CDC14B: variants seen among roughly 807,000 people sequenced by gnomAD.
CDC14B encodes dual specificity protein phosphatase CDC14B.
CDC14B carries 22 observed loss-of-function variants against 64.2 expected under a neutral mutation model. The observed-to-expected ratio is 0.34, with a 90% CI of 0.24 to 0.49. CDC14B has a LOEUF of 0.49. CDC14B is among the 20% of genes least tolerant of loss of function. The probability of loss-of-function intolerance (pLI) is 0.99; values close to 1 mark genes in which losing one functional copy is unlikely to be tolerated. For synonymous variants in CDC14B, 191 were observed against 215.8 expected, an observed-to-expected ratio of 0.89 and a Z score of 1.01; for missense variants, 498 against 629.9, an observed-to-expected ratio of 0.79 and a Z score of 2.24.
intron 13 of CDC14B, among the ~76,000 whole-genome samples, chr9:96,509,366 T>C (rs749126771): frequency 3.3e-5 from 5 of 152,226 alleles, no homozygotes; most frequent in African/African-American, 1.2e-4. Context: ...GATATACACC[T>C]AGAAAAATGT....
At chr9:96,594,463 T>C (rs1157067695) in intron 1 of CDC14B, among the ~76,000 whole-genome samples, 1 of 152,050 alleles carries the variant, frequency 6.6e-6, no homozygotes, top group African/African-American at 2.4e-5. Flanking sequence ...ACACCTGTAA[T>C]CTCAGCACTT....
chr9:96,526,344 G>A (rs1837560283), intron 9 of CDC14B, among the ~76,000 whole-genome samples: 1 of 152,156 alleles, frequency 6.6e-6, no homozygotes, highest in Admixed American at 6.5e-5. Flanking sequence ...CTCCAGCCTG[G>A]GAGACAGAGC....
In CDC14B at chr9:96,604,555, T is replaced by C. The variant is rs1230437264; in HGVS notation, c.160+14664A>G. ...GCCACCACGCCCGGCTAATTTTGTATTTTTAGTAGAGACAGGGTTTCTCCA... is the reference window on the plus strand; with the variant it reads ...GCCACCACGCCCGGCTAATTTTGTACTTTTAGTAGAGACAGGGTTTCTCCA... On this transcript the variant is annotated intron_variant, in intron 1 of 13. Coordinates refer to ENST00000375241, the MANE Select transcript of CDC14B (RefSeq NM_033331.4). 9.6e-5 allele frequency among the ~76,000 whole-genome samples: 14 copies of C among 146,508 alleles called. No individual in the cohort carries two copies. The East Asian group carries it at 2.9e-3, about 30-fold the overall frequency.
intron 1 of CDC14B, among the ~76,000 whole-genome samples, chr9:96,577,939 A>C (rs2118232382): frequency 6.6e-6 from 1 of 152,354 alleles, no homozygotes; most frequent in South Asian, 2.1e-4. Context: ...CTGAGGCTAC[A>C]GCCACACACA....
intron 13 of CDC14B, among the ~76,000 whole-genome samples, chr9:96,506,899 G>A (rs1458751859): frequency 1.3e-5 from 2 of 152,216 alleles, no homozygotes; most frequent in Non-Finnish European, 2.9e-5. Context: ...CCTGGCAAGT[G>A]CCAGCCAGGC....
chr9:96,501,381 G>A lies in CDC14B; in HGVS notation c.*2372C>T, dbSNP rs572837872. Reference sequence around the variant, plus strand: ...ACAGTTTCATGTTCCATAGCAACAAGGTCTTCTATAACAACGACTCTAAGT... The same window carrying A: ...ACAGTTTCATGTTCCATAGCAACAAAGTCTTCTATAACAACGACTCTAAGT... On this transcript the variant is annotated 3_prime_UTR_variant, in exon 14 of 14. Coordinates refer to ENST00000375241, the MANE Select transcript of CDC14B (RefSeq NM_033331.4). 6.8e-5 allele frequency: 10 copies of A among 146,712 alleles called. No homozygotes were observed. Among genetic ancestry groups the A allele is most frequent in the Admixed American group, 6.0e-4 (9 of 14,900 alleles). The allele number at this position is 146,712 out of a possible 1,614,324, so 9.1% of individuals were successfully genotyped here. A position where few individuals can be genotyped will look rare whatever the true frequency, so the allele number is the denominator to read the frequency against.
At chr9:96,571,949 G>A (rs1489575662) in intron 1 of CDC14B, among the ~76,000 whole-genome samples, 4 of 151,896 alleles carry the variant, frequency 2.6e-5, no homozygotes, top group Non-Finnish European at 5.9e-5. Context: ...TACCCTTTTT[G>A]TCCAATCATA....
At chr9:96,572,240 A>G (rs551701171) in intron 1 of CDC14B, among the ~76,000 whole-genome samples, 6 of 152,274 alleles carry the variant, frequency 3.9e-5, no homozygotes, top group African/African-American at 1.2e-4. Context: ...CTAGTAAGTG[A>G]GTTTCCCCGA....
intron 1 of CDC14B, among the ~76,000 whole-genome samples, chr9:96,617,066 A>G (rs960008173): frequency 6.6e-6 from 1 of 151,736 alleles, no homozygotes; most frequent in Non-Finnish European, 1.5e-5. Flanking sequence ...CCCTTACATT[A>G]AAGCTGGACC....
At chr9:96,538,894 T>C in intron 7 of CDC14B, 184 bp downstream of exon 7, 1 of 548,870 alleles carries the variant, frequency 1.8e-6, no homozygotes. Flanking sequence ...GCCAAAAGAC[T>C]AAATTATGTG....
At chr9:96,525,595 A>G (rs540716711) in intron 9 of CDC14B, among the ~76,000 whole-genome samples, 1 of 152,348 alleles carries the variant, frequency 6.6e-6, no homozygotes, top group South Asian at 2.1e-4. Flanking sequence ...GCGTGGAGCC[A>G]AAGAGGATGA....
intron 1 of CDC14B, among the ~76,000 whole-genome samples, chr9:96,601,125 CAAG>C (rs1470212092): frequency 2.6e-5 from 4 of 151,964 alleles, no homozygotes; most frequent in African/African-American, 7.3e-5. Flanking sequence ...TGCGACATAG[CAAG>C]ACTCCCTCTC....
chr9:96,516,636 C>T (rs892544343), intron 12 of CDC14B, among the ~76,000 whole-genome samples: 7 of 152,008 alleles, frequency 4.6e-5, no homozygotes, highest in Non-Finnish European at 7.4e-5. Context: ...CACATCACCA[C>T]GCCCGGCTAA....
intron 12 of CDC14B, among the ~76,000 whole-genome samples, chr9:96,520,895 G>A (rs1363635581): frequency 6.6e-6 from 1 of 150,620 alleles, no homozygotes; most frequent in South Asian, 2.1e-4. Context: ...CACTGCTCGA[G>A]GGTGCTGCCT....
chr9:96,580,379 G>A (rs1221144211), intron 1 of CDC14B, among the ~76,000 whole-genome samples: 2 of 152,004 alleles, frequency 1.3e-5, no homozygotes, highest in African/African-American at 4.8e-5. Flanking sequence ...TTACAAGCAT[G>A]CACCACCACG....
At chr9:96,578,345 C>T (rs1478304198) in intron 1 of CDC14B, among the ~76,000 whole-genome samples, 9 of 152,190 alleles carry the variant, frequency 5.9e-5, no homozygotes, top group Non-Finnish European at 1.5e-5. Context: ...CCTTAGTCCC[C>T]TTTGAGTGTG....
intron 12 of CDC14B, among the ~76,000 whole-genome samples, chr9:96,519,516 A>C (rs1564225037): frequency 6.6e-6 from 1 of 151,966 alleles, no homozygotes; most frequent in Non-Finnish European, 1.5e-5. Flanking sequence ...TGGGTGTACC[A>C]CTTGAGGTCA....
chr9:96,602,492 G>A (rs572447611), intron 1 of CDC14B, among the ~76,000 whole-genome samples: 80 of 152,282 alleles, frequency 5.3e-4, no homozygotes, highest in African/African-American at 1.9e-3. Context: ...AGAGTTCCAC[G>A]TGGCTGGGAA....
rs1054495212 is a variant in CDC14B, at chr9:96,502,755, T to C, written c.*998A>G. On this transcript the variant is annotated 3_prime_UTR_variant, in exon 14 of 14. Coordinates refer to ENST00000375241, the MANE Select transcript of CDC14B (RefSeq NM_033331.4). ...AACAGTGAGATCCAGAAGCAGATCA[T>C]TGTCACTGAGATCGCAGGCCACGTC... The C allele has an allele frequency of 2.3e-5, 9 of 397,326 alleles. No homozygotes were observed. Among genetic ancestry groups the C allele is most frequent in the Admixed American group, 8.8e-5 (2 of 22,648 alleles). The allele number at this position is 397,326 out of a possible 1,614,324, so 24.6% of individuals were successfully genotyped here.
Sources: gnomAD v4.1 joint callset for allele counts (sites outside exome capture counted in the v4.1 genomes callset) on GRCh38, gnomAD v4.1.1 for gene constraint, MANE v1.5 for transcripts, NCBI Gene and HGNC (gene_info 2026-07-23, HGNC 2026-07-21) for gene names.